The following CMKLR2 variants were observed in gnomAD, a reference collection of about 807,000 sequenced individuals.
CMKLR2 encodes chemerin-like receptor 2.
CMKLR2 carries 18 observed loss-of-function variants against 23.0 expected under a neutral mutation model. The ratio of observed to expected loss-of-function variants is 0.78; its 90% CI spans 0.54 to 1.16. CMKLR2 has a LOEUF of 1.16. Ranked by LOEUF, CMKLR2 falls within the 50% of genes most tolerant of loss-of-function variation. The pLI, the probability that CMKLR2 is intolerant of heterozygous loss-of-function variation, is 0.00. For synonymous variants in CMKLR2, 158 were observed against 158.9 expected (o/e 0.99, Z 0.05); for missense variants, 401 against 412.7 (o/e 0.97, Z 0.25).
rs1174073666 is a variant in CMKLR2 at position 206,209,966 on chromosome 2, CT to C, written c.-29+3340del. ...CCCGGCCCTTTTCTTTCTTTTCTTT[CT>C]TTTTTTTTTTTTCAGAGACAGAGTC... On this transcript the variant is annotated intron_variant, in intron 1 of 1. Transcript: ENST00000621141. Among the ~76,000 whole-genome samples the C allele has an allele frequency of 8.6e-3, 1,151 of 133,150 alleles. 8 individuals are homozygous for C. Among genetic ancestry groups the C allele is most frequent in the Middle Eastern group, 0.013 (3 of 240 alleles). 87.4% of individuals were successfully genotyped at this position (133,150 alleles called of 152,430 possible).
intron 1 of CMKLR2, among the ~76,000 whole-genome samples, chr2:206,182,354 T>A (rs1325144457): frequency 6.6e-6 from 1 of 152,212 alleles, no homozygotes; most frequent in Non-Finnish European, 1.5e-5. Flanking sequence ...CCTTCTGTCA[T>A]ACTTGTCTTA....
intron 1 of CMKLR2, among the ~76,000 whole-genome samples, chr2:206,191,871 C>T (rs1007439046): frequency 6.9e-6 from 1 of 145,286 alleles, no homozygotes; most frequent in Non-Finnish European, 1.5e-5. Flanking sequence ...TACAGAGTCT[C>T]GCTCTGTCAC....
intron 1 of CMKLR2, among the ~76,000 whole-genome samples, chr2:206,195,567 G>A (rs1688894162): frequency 6.6e-6 from 1 of 152,128 alleles, no homozygotes; most frequent in South Asian, 2.1e-4. Flanking sequence ...TCCTTCAAGG[G>A]CAAGACTCTA....
chr2:206,207,510 T>C (rs889550325), intron 1 of CMKLR2, among the ~76,000 whole-genome samples: 4 of 152,104 alleles, frequency 2.6e-5, no homozygotes, highest in Non-Finnish European at 5.9e-5. Context: ...CATCTAATTA[T>C]GTAAATAGCA....
chr2:206,203,329 CAAA>C (rs34691275), intron 1 of CMKLR2: 5,998 of 44,078 alleles, frequency 0.14, 67 homozygotes, highest in East Asian at 0.25. Context: ...GACTCTGTCT[CAAA>C]AAAAAAAAAA....
chr2:206,185,107 C>A (rs1688538956), intron 1 of CMKLR2, among the ~76,000 whole-genome samples: 1 of 152,170 alleles, frequency 6.6e-6, no homozygotes, highest in Non-Finnish European at 1.5e-5. Flanking sequence ...CCTGCCTCAG[C>A]CTCCAAGTAG....
intron 1 of CMKLR2, among the ~76,000 whole-genome samples, chr2:206,197,376 G>A (rs962067154): frequency 6.6e-6 from 1 of 152,084 alleles, no homozygotes; most frequent in African/African-American, 2.4e-5. Context: ...TTTTCTTCTG[G>A]GTTTTCTAAG....
chr2:206,211,756 A>G (rs1689573034), intron 1 of CMKLR2, among the ~76,000 whole-genome samples: 2 of 148,720 alleles, frequency 1.3e-5, no homozygotes, highest in South Asian at 4.2e-4. Flanking sequence ...ACAAAAAAAC[A>G]CACACATTAA....
intron 1 of CMKLR2, chr2:206,203,730 T>G (rs1458965995): frequency 6.6e-6 from 1 of 152,194 alleles, no homozygotes; most frequent in Non-Finnish European, 1.5e-5. Context: ...AACTAATGAA[T>G]GTGAGGGGCG....
chr2:206,190,104 C>A (rs1209663159), intron 1 of CMKLR2, among the ~76,000 whole-genome samples: 1 of 152,072 alleles, frequency 6.6e-6, no homozygotes, highest in South Asian at 2.1e-4. Flanking sequence ...CACACTCCAA[C>A]CCCTGGCATA....
chr2:206,181,789 C>T (rs1415237994), intron 1 of CMKLR2, among the ~76,000 whole-genome samples: 1 of 151,878 alleles, frequency 6.6e-6, no homozygotes, highest in Non-Finnish European at 1.5e-5. Flanking sequence ...CCTGTCTCTA[C>T]TAAAAATACA....
Position 206,176,659 on chromosome 2 carries a change from C to T in CMKLR2, c.589G>A (p.Asp197Asn). The T allele has an allele frequency of 1.9e-6, 3 of 1,614,140 alleles. No individual in the cohort carries two copies. The highest frequency in any genetic ancestry group is 2.2e-5 in the South Asian group (2 of 91,076). ...ACATGGTGCCTGATCAAAGTGAGGT[C>T]AGGATCATGCTTCTGAAAATTGTTA... ...CYNNFQKHDP[D>N]LTLIRHHVLT... The change falls in exon 2 of 2, where the codon GAC becomes AAC. Residue 197 changes from aspartate to asparagine, a missense_variant. Transcript: ENST00000621141.
intron 1 of CMKLR2, among the ~76,000 whole-genome samples, chr2:206,181,951 CAAAAAAAA>C (rs34520665): frequency 4.4e-5 from 3 of 68,590 alleles, no homozygotes; most frequent in African/African-American, 1.8e-4. Context: ...AACTCCACCT[CAAAAAAAA>C]AAAAAAAAAA....
intron 1 of CMKLR2, among the ~76,000 whole-genome samples, chr2:206,205,656 G>A (rs1689286454): frequency 1.3e-5 from 2 of 151,760 alleles, no homozygotes; most frequent in Admixed American, 1.3e-4. Context: ...TTAGGTGTGA[G>A]GTGAAAATGC....
intron 1 of CMKLR2, among the ~76,000 whole-genome samples, chr2:206,200,308 A>C (rs1426161458): frequency 1.3e-5 from 2 of 152,198 alleles, no homozygotes; most frequent in African/African-American, 4.8e-5. Flanking sequence ...CTGTAATCCC[A>C]GCTGCTCGGG....
In CMKLR2 at chr2:206,176,050, A is replaced by G. The variant is rs1688194739; in HGVS notation, c.*130T>C. ...ATATCCACACAAAAATGTGATGCCT[A>G]TATAGTGACCAGAAACAATAACTAT... On this transcript the variant is annotated 3_prime_UTR_variant, in exon 2 of 2. Transcript: ENST00000621141. 3 of 661,714 alleles carry G rather than the reference A, an allele frequency of 4.5e-6. No individual in the cohort carries two copies. The South Asian group carries it at 6.6e-5, about 15-fold the overall frequency. The allele number at this position is 661,714 out of a possible 1,614,324, so 41.0% of individuals were successfully genotyped here.
chr2:206,211,445 C>G (rs1574332780), intron 1 of CMKLR2, among the ~76,000 whole-genome samples: 1 of 152,064 alleles, frequency 6.6e-6, no homozygotes, highest in South Asian at 2.1e-4. Context: ...CTGTCTTAGC[C>G]TCCCAAATAG....
In CMKLR2 at chr2:206,176,271, G is replaced by A; in HGVS notation, c.977C>T (p.Thr326Ile). ...GCCAGAACAGCTGACTTCCCACAGT[G>A]TGTACTTGAGTATCTCAGCAACTGA... ...RSSVAEILKY[T>I]LWEVSCSGTV... Residue 326 changes from threonine to isoleucine, a missense_variant, in exon 2 of 2, where the codon ACA becomes ATA. Physicochemically the swap from Thr to Ile is moderately conservative, Grantham distance 89. Transcript: ENST00000621141. The A allele has an allele frequency of 6.2e-7, 1 of 1,614,194 alleles. No individual in the cohort carries two copies. Among genetic ancestry groups the A allele is most frequent in the Non-Finnish European group, 8.5e-7 (1 of 1,180,028 alleles).
At chr2:206,192,528 AAAC>A (rs973397836) in intron 1 of CMKLR2, among the ~76,000 whole-genome samples, 2 of 151,748 alleles carry the variant, frequency 1.3e-5, no homozygotes, top group African/African-American at 4.8e-5. Context: ...CCTGTCTCTT[AAAC>A]AACAACAACA....
Sources: allele counts gnomAD v4.1 joint callset (sites outside exome capture counted in the v4.1 genomes callset), GRCh38; gene constraint gnomAD v4.1.1; transcripts MANE v1.5; gene names NCBI Gene and HGNC (gene_info 2026-07-23, HGNC 2026-07-21).